Variants in EBAG9 observed in about 807,000 individuals in gnomAD.
EBAG9 encodes the protein estrogen receptor binding site associated antigen 9.
A neutral mutation model predicts 30.9 loss-of-function variants in EBAG9; 16 were observed. The ratio of observed to expected loss-of-function variants is 0.52; its 90% CI spans 0.35 to 0.79. The LOEUF (loss-of-function observed/expected upper bound fraction) is 0.79, where lower values mean the gene tolerates loss of function less well. Ranked by LOEUF, EBAG9 falls within the 30% of genes least tolerant of loss-of-function variation. The pLI is 0.01. For missense variants in EBAG9, 197 were observed against 242.1 expected (o/e 0.81, Z 1.24); for synonymous variants, 93 against 82.8 (o/e 1.12, Z -0.67).
At chr8:109,551,002 T>G in intron 2 of EBAG9, 95 bp downstream of exon 2, 1 of 741,490 alleles carries the variant, frequency 1.3e-6, no homozygotes, top group South Asian at 1.7e-5. Flanking sequence ...ACAGGTTATA[T>G]TTAAGCTGAA....
rs781697672 is a variant in EBAG9 at position 109,554,856 on chromosome 8, A to G, written c.290A>G (p.Asp97Gly). The G allele has an allele frequency of 1.2e-6, 2 of 1,613,688 alleles. No homozygotes were observed. Among genetic ancestry groups the G allele is most frequent in the Middle Eastern group, 1.7e-4 (1 of 6,058 alleles). ...LEQLEPDYFK[D>G]MTPTIRKTQK... Reference sequence around the variant, plus strand: ...CAACTGGAACCTGACTATTTTAAGGACATGACACCAACTATTAGGAAAACT... The same window carrying G: ...CAACTGGAACCTGACTATTTTAAGGGCATGACACCAACTATTAGGAAAACT... The change falls in exon 4 of 7, where the codon GAC (aspartate) becomes GGC (glycine). Residue 97 changes from aspartate to glycine, a missense_variant. Coordinates refer to ENST00000337573, the MANE Select transcript of EBAG9 (RefSeq NM_004215.5).
chr8:109,560,440 C>T (rs990388144), intron 5 of EBAG9, among the ~76,000 whole-genome samples: 6 of 152,166 alleles, frequency 3.9e-5, no homozygotes, highest in Non-Finnish European at 1.5e-5. Flanking sequence ...TTAGTCCAGT[C>T]AAGGATTTCT....
chr8:109,561,921 G>A (rs1480297855), intron 6 of EBAG9, among the ~76,000 whole-genome samples: 1 of 148,284 alleles, frequency 6.7e-6, no homozygotes, highest in Non-Finnish European at 1.5e-5. Flanking sequence ...CAGGTTAGGG[G>A]ACGTCACATT....
chr8:109,539,797 G>C (rs1031173713), upstream of EBAG9: 1 of 152,268 alleles, frequency 6.6e-6, no homozygotes, highest in African/African-American at 2.4e-5. Flanking sequence ...GGGGCTGGGA[G>C]TGAGCGGGCG....
intron 5 of EBAG9, among the ~76,000 whole-genome samples, chr8:109,558,085 G>A (rs902214322): frequency 6.6e-6 from 1 of 152,176 alleles, no homozygotes; most frequent in East Asian, 1.9e-4. Flanking sequence ...AGGAAGGAAT[G>A]TCAAAGAATT....
chr8:109,554,899 T>TTTATGC lies in EBAG9; in HGVS notation c.321+15_321+20dup. 1 of 1,609,170 alleles carries TTTATGC rather than the reference T, an allele frequency of 6.2e-7. No individual in the cohort carries two copies. On this transcript the variant is annotated intron_variant, in intron 4 of 6. Coordinates refer to ENST00000337573, the MANE Select transcript of EBAG9 (RefSeq NM_004215.5). ...GGAAAACTCAGAAAGTATGTTAAGA[T>TTTATGC]TTATGCTTTTGGAGATTAAACTACT... is the stretch of plus-strand genomic sequence containing the variant.
At position 109,565,469 on chromosome 8, in the gene EBAG9, T is replaced by C. The variant is rs985020087; in HGVS notation, c.*910T>C. 16 of 152,134 alleles carry C rather than the reference T, an allele frequency of 1.1e-4. No homozygotes were observed. The highest frequency in any genetic ancestry group is 3.9e-4 in the African/African-American group (16 of 41,450). 9.4% of individuals were successfully genotyped at this position (152,134 alleles called of 1,614,324 possible). On this transcript the variant is annotated 3_prime_UTR_variant, in exon 7 of 7. Transcript: ENST00000337573. The stretch of plus-strand genomic sequence containing the variant: ...CTAGCTTTAGATGTCTGACGTTATG[T>C]AGGTTACCTGTGTTCTTGGCTAGGA...
intron 2 of EBAG9, among the ~76,000 whole-genome samples, chr8:109,551,730 C>A (rs751579454): frequency 2.4e-4 from 36 of 152,094 alleles, no homozygotes; most frequent in Non-Finnish European, 4.4e-4. Flanking sequence ...TAATTAAAAG[C>A]GAGTACTGCA....
At chr8:109,554,692 C>T (rs748260798) in intron 3 of EBAG9, 37 bp from the exon 4 acceptor site, 4 of 1,584,512 alleles carry the variant, frequency 2.5e-6, no homozygotes, top group Admixed American at 1.8e-5. Context: ...ATTAAGTTGC[C>T]CCTTTGTGGC....
chr8:109,564,084 A>G (rs994341564), intron 6 of EBAG9, among the ~76,000 whole-genome samples: 16 of 152,224 alleles, frequency 1.1e-4, no homozygotes, highest in African/African-American at 3.4e-4. Flanking sequence ...ATGTGGTTCA[A>G]TGGAAGTATT....
At chr8:109,559,874 C>G (rs1345132087) in intron 5 of EBAG9, among the ~76,000 whole-genome samples, 1 of 151,286 alleles carries the variant, frequency 6.6e-6, no homozygotes, top group Non-Finnish European at 1.5e-5. Context: ...AAGAGGATAA[C>G]TTGGTACTTT....
intron 2 of EBAG9, among the ~76,000 whole-genome samples, 154 bp downstream of exon 2, chr8:109,551,061 C>T (rs149473383): frequency 0.018 from 2,734 of 152,134 alleles, 42 homozygotes; most frequent in Middle Eastern, 0.058. Context: ...TTTTTAGATA[C>T]TTTTTCTCTA....
intron 6 of EBAG9, among the ~76,000 whole-genome samples, chr8:109,562,968 G>A (rs1478403238): frequency 6.6e-6 from 1 of 151,854 alleles, no homozygotes. Context: ...TCAAAACTTC[G>A]TTATCTTACT....
chr8:109,564,140 T>A (rs1359313221), intron 6 of EBAG9, among the ~76,000 whole-genome samples: 1 of 152,116 alleles, frequency 6.6e-6, no homozygotes, highest in Non-Finnish European at 1.5e-5. Flanking sequence ...TCAGAAGATG[T>A]GAGTTCTTAT....
chr8:109,543,490 TTA>T (rs1821320227), intron 1 of EBAG9, among the ~76,000 whole-genome samples: 2 of 152,158 alleles, frequency 1.3e-5, no homozygotes, highest in Non-Finnish European at 2.9e-5. Flanking sequence ...TTCTTATTTT[TTA>T]TGTGTTTGTT....
At chr8:109,540,576 C>G (rs570744663) in intron 1 of EBAG9, 115 bp downstream of exon 1, 1 of 152,302 alleles carries the variant, frequency 6.6e-6, no homozygotes, top group Admixed American at 6.5e-5. Context: ...GCCTTCGGAA[C>G]CGCCCCAGTG....
chr8:109,563,663 G>A, intron 6 of EBAG9: 4 of 985,228 alleles, frequency 4.1e-6, no homozygotes, highest in Non-Finnish European at 4.3e-6. Context: ...TGTCAAGGGG[G>A]TTTGTCGTAC....
At chr8:109,552,586 A>G (rs534506678) in intron 2 of EBAG9, among the ~76,000 whole-genome samples, 15 of 152,344 alleles carry the variant, frequency 9.8e-5, no homozygotes, top group South Asian at 6.2e-4. Context: ...TTATACTTCT[A>G]TTTTTTAAAA....
At chr8:109,543,752 T>C (rs1172705967) in intron 1 of EBAG9, among the ~76,000 whole-genome samples, 1 of 152,150 alleles carries the variant, frequency 6.6e-6, no homozygotes, top group Non-Finnish European at 1.5e-5. Context: ...AAGCATGGGC[T>C]GGGCATGGTA....
Sources: allele counts gnomAD v4.1 joint callset (sites outside exome capture counted in the v4.1 genomes callset), GRCh38; gene constraint gnomAD v4.1.1; transcripts MANE v1.5; gene names NCBI Gene and HGNC (gene_info 2026-07-23, HGNC 2026-07-21).